The following FAM135B variants were observed in gnomAD, a reference collection of about 807,000 sequenced individuals.
The protein encoded by FAM135B is family with sequence similarity 135 member B, also known as protein FAM135B.
A neutral mutation model predicts 127.7 loss-of-function variants in FAM135B; 43 were observed. The ratio of observed to expected loss-of-function variants is 0.34; its 90% confidence interval spans 0.26 to 0.43. FAM135B has a LOEUF of 0.43. Ranked by LOEUF, FAM135B falls within the 20% of genes least tolerant of loss-of-function variation. The pLI, the probability that FAM135B is intolerant of heterozygous loss-of-function variation, is 1.00. For synonymous variants in FAM135B, 670 were observed against 665.1 expected (o/e 1.01, Z -0.11); for missense variants, 1,558 against 1,725.6 (o/e 0.90, Z 1.72).
chr8:138,395,214 T>C (rs1309804501), intron 1 of FAM135B, among the ~76,000 whole-genome samples: 1 of 152,200 alleles, frequency 6.6e-6, no homozygotes, highest in African/African-American at 2.4e-5. Flanking sequence ...ATATAATAAA[T>C]TTGCCTGCAC....
intron 2 of FAM135B, among the ~76,000 whole-genome samples, chr8:138,355,560 T>C (rs974875049): frequency 6.6e-6 from 1 of 152,156 alleles, no homozygotes; most frequent in Non-Finnish European, 1.5e-5. Context: ...ACTTTTATTA[T>C]GGAAATGTGA....
intron 2 of FAM135B, among the ~76,000 whole-genome samples, chr8:138,336,956 G>T (rs1372187311): frequency 3.5e-5 from 5 of 144,420 alleles, no homozygotes; most frequent in Non-Finnish European, 7.6e-5. Flanking sequence ...GTTCAACATA[G>T]GCAAATCAAT....
At chr8:138,385,897 G>A (rs1209006534) in intron 1 of FAM135B, among the ~76,000 whole-genome samples, 1 of 151,810 alleles carries the variant, frequency 6.6e-6, no homozygotes. Flanking sequence ...ACGATACTGG[G>A]TACTCCAACA....
rs777900338 is a variant in FAM135B at position 138,197,627 on chromosome 8, G to T, written c.712C>A (p.His238Asn). 6.8e-6 allele frequency: 11 copies of T among 1,614,076 alleles called. No individual in the cohort carries two copies. In the Admixed American group the frequency reaches 1.7e-4, roughly 24 times the overall value. The change falls in exon 8 of 20, where the codon CAC becomes AAC. Residue 238 changes from histidine to asparagine, a missense_variant. Physicochemically the swap from His to Asn is moderately conservative, Grantham distance 68 (BLOSUM62 1). Around this residue, in one of 5 missense-constraint regions of FAM135B, gnomAD observed 127 missense variants for 109.7 expected, o/e 1.16. Coordinates refer to ENST00000395297, the MANE Select transcript of FAM135B (RefSeq NM_015912.4). ...AGGCACAGGTCTCGGTGCCACTTGT[G>T]TGCGTGCTGCATGCAGTTCTCAGAG... ...ITSENCMQHA[H>N]KWHRDLCLLL...
intron 3 of FAM135B, among the ~76,000 whole-genome samples, chr8:138,269,359 C>G (rs1586929388): frequency 6.6e-6 from 1 of 152,220 alleles, no homozygotes; most frequent in African/African-American, 2.4e-5. Context: ...TAGGGACCAT[C>G]TACTTGTGGA....
intron 2 of FAM135B, among the ~76,000 whole-genome samples, chr8:138,336,421 G>T (rs1281733017): frequency 6.6e-6 from 1 of 151,808 alleles, no homozygotes; most frequent in African/African-American, 2.4e-5. Flanking sequence ...ATAACAAAGG[G>T]GATATCACCA....
intron 12 of FAM135B, among the ~76,000 whole-genome samples, chr8:138,162,321 G>A (rs2130861622): frequency 6.6e-6 from 1 of 152,290 alleles, no homozygotes; most frequent in Middle Eastern, 3.4e-3. Flanking sequence ...AAGCACAGAG[G>A]ATTTTTCGAG....
At chr8:138,163,797 G>A (rs2130871413) in intron 12 of FAM135B, among the ~76,000 whole-genome samples, 1 of 152,212 alleles carries the variant, frequency 6.6e-6, no homozygotes. Flanking sequence ...CACAGACCAT[G>A]AACAAATGCT....
chr8:138,330,534 T>C (rs2130990589), intron 2 of FAM135B, among the ~76,000 whole-genome samples: 1 of 152,306 alleles, frequency 6.6e-6, no homozygotes, highest in African/African-American at 2.4e-5. Context: ...ATGGAATCAC[T>C]GCCCTGTGCT....
intron 7 of FAM135B, among the ~76,000 whole-genome samples, chr8:138,216,393 T>C (rs1454747839): frequency 6.6e-6 from 1 of 152,084 alleles, no homozygotes; most frequent in Non-Finnish European, 1.5e-5. Context: ...TGCTGAAGGT[T>C]ATAGCATGAA....
chr8:138,270,735 G>A (rs1312317824), intron 3 of FAM135B, among the ~76,000 whole-genome samples: 1 of 152,264 alleles, frequency 6.6e-6, no homozygotes, highest in African/African-American at 2.4e-5. Flanking sequence ...ATCACACCCA[G>A]TAGGGTAAAG....
In FAM135B at chr8:138,149,246, C is replaced by T. The variant is rs527495956; in HGVS notation, c.3282-560G>A. ...TCTGCAGATGCTTATGTGATTCCTG[C>T]ATTGAACAGGAGACAGAGTGACAGG... On this transcript the variant is annotated intron_variant, in intron 13 of 19. Transcript: ENST00000395297. Among the ~76,000 whole-genome samples, 10 of 152,200 alleles carry T rather than the reference C, an allele frequency of 6.6e-5. No homozygotes were observed. In the South Asian group the frequency reaches 2.1e-3, roughly 32 times the overall value.
chr8:138,288,744 T>A (rs1824883347), intron 3 of FAM135B, among the ~76,000 whole-genome samples: 1 of 152,230 alleles, frequency 6.6e-6, no homozygotes, highest in Non-Finnish European at 1.5e-5. Context: ...TCAAAGTATT[T>A]TTCTTTTAAG....
chr8:138,200,628 A>G (rs1817039534), intron 7 of FAM135B, among the ~76,000 whole-genome samples: 1 of 152,182 alleles, frequency 6.6e-6, no homozygotes, highest in Non-Finnish European at 1.5e-5. Flanking sequence ...GAAGTGTCCC[A>G]TTCCCCCCAG....
At chr8:138,316,789 G>T (rs1449812314) in intron 2 of FAM135B, among the ~76,000 whole-genome samples, 1 of 151,918 alleles carries the variant, frequency 6.6e-6, no homozygotes, top group Non-Finnish European at 1.5e-5. Context: ...GACCATCCTG[G>T]CTAACACGGT....
At chr8:138,266,523 G>A (rs1173856293) in intron 3 of FAM135B, among the ~76,000 whole-genome samples, 1 of 151,704 alleles carries the variant, frequency 6.6e-6, no homozygotes, top group Admixed American at 6.6e-5. Flanking sequence ...ACAAATGGGT[G>A]AACTCCTCCA....
chr8:138,256,792 G>A (rs201982413), intron 4 of FAM135B, 33 bp from the exon 5 acceptor site: 6 of 1,566,898 alleles, frequency 3.8e-6, no homozygotes, highest in East Asian at 4.5e-5. Flanking sequence ...GGGATTTCAG[G>A]AGTCAAATCT....
rs1222705930 is a variant in FAM135B at position 138,241,626 on chromosome 8, G to A, written c.669+1316C>T. On this transcript the variant is annotated intron_variant, in intron 7 of 19. Transcript: ENST00000395297. The surrounding 1 kb of genome is among the most constrained non-coding windows in gnomAD (Gnocchi z 4.8). ...TCTGAACAGTCTGTGCACAGAGCCT[G>A]ACTGTATAGGAGGATAGAACACCTC... is the stretch of plus-strand genomic sequence containing the variant. Among the ~76,000 whole-genome samples the A allele has an allele frequency of 6.6e-6, 1 of 152,194 alleles. No individual in the cohort carries two copies. Among genetic ancestry groups the A allele is most frequent in the Non-Finnish European group, 1.5e-5 (1 of 68,038 alleles).
rs1420980795 is a variant in FAM135B, at chr8:138,130,220, T to C, written c.*2373A>G. On this transcript the variant is annotated 3_prime_UTR_variant, in exon 20 of 20. Transcript: ENST00000395297. ...TATATTTATATATATTTTATGTATA[T>C]ATATTTATATATTCGATATCTATAT... is the stretch of plus-strand genomic sequence containing the variant. 6.7e-6 allele frequency: 1 copy of C among 149,790 alleles called. No individual in the cohort carries two copies. Among genetic ancestry groups the C allele is most frequent in the Non-Finnish European group, 1.5e-5 (1 of 67,564 alleles). The allele number at this position is 149,790 out of a possible 1,614,324, so 9.3% of individuals were successfully genotyped here.
Sources: gnomAD v4.1 joint callset for allele counts (sites outside exome capture counted in the v4.1 genomes callset) on GRCh38, gnomAD v4.1.1 for gene constraint, gnomAD v4.1.1 regional missense constraint, Gnocchi (gnomAD v3.1) non-coding constraint, MANE v1.5 for transcripts, NCBI Gene and HGNC (gene_info 2026-07-23, HGNC 2026-07-21) for gene names.